The following TENM3 variants were observed in gnomAD, a reference collection of about 807,000 sequenced individuals.
The protein encoded by TENM3 is teneurin transmembrane protein 3, also known as teneurin-3.
TENM3 carries 63 observed loss-of-function variants against 255.1 expected under a neutral mutation model. That is an observed-to-expected ratio of 0.25 (90% CI 0.20 to 0.30). The LOEUF (loss-of-function observed/expected upper bound fraction) is 0.30, where lower values mean the gene tolerates loss of function less well. Among genes scored for constraint, TENM3 ranks in the 10% least tolerant of loss-of-function variants. TENM3 has a pLI of 1.00. For missense variants in TENM3, 2,929 were observed against 3,461.1 expected (o/e 0.85, Z 3.86); for synonymous variants, 1,306 against 1,322.3 (o/e 0.99, Z 0.27).
At chr4:182,411,721 A>G (rs985774851) in intron 3 of TENM3, among the ~76,000 whole-genome samples, 3 of 152,226 alleles carry the variant, frequency 2.0e-5, no homozygotes, top group Middle Eastern at 3.4e-3. Flanking sequence ...TTTCCGTACT[A>G]TGCGTTATTT....
intron 3 of TENM3, among the ~76,000 whole-genome samples, chr4:182,413,551 G>A (rs766161145): frequency 6.6e-5 from 10 of 151,994 alleles, no homozygotes; most frequent in Non-Finnish European, 1.3e-4. Flanking sequence ...GGGAAGCGGA[G>A]GTTGCAGTGA....
intron 1 of TENM3, among the ~76,000 whole-genome samples, chr4:182,214,798 A>G (rs1301669261): frequency 6.6e-6 from 1 of 152,222 alleles, no homozygotes; most frequent in East Asian, 1.9e-4. Flanking sequence ...CAGTGGTTCT[A>G]TTCTTAACAT....
the TENM3 span, among the ~76,000 whole-genome samples, chr4:181,957,981 T>C: frequency 2.0e-5 from 3 of 152,224 alleles, no homozygotes; most frequent in Admixed American, 1.3e-4. Context: ...TCTAATTATC[T>C]CCTGATAATT....
the TENM3 span, among the ~76,000 whole-genome samples, chr4:181,955,436 G>A: frequency 2.7e-3 from 415 of 152,280 alleles, 4 homozygotes; most frequent in African/African-American, 9.5e-3. Context: ...AATCAGCCAG[G>A]AAAATGTCTG....
chr4:182,324,619 T>C (rs1362118195), intron 2 of TENM3, among the ~76,000 whole-genome samples: 2 of 152,166 alleles, frequency 1.3e-5, no homozygotes, highest in Non-Finnish European at 2.9e-5. Flanking sequence ...TGTCTGTGGC[T>C]AGAACCGGTA....
chr4:181,904,886 G>A, the TENM3 span, among the ~76,000 whole-genome samples: 1 of 152,166 alleles, frequency 6.6e-6, no homozygotes, highest in Non-Finnish European at 1.5e-5. Flanking sequence ...TTCCCATGCT[G>A]TTCTCATGAT....
chr4:182,527,601 T>C (rs926013049), intron 3 of TENM3, among the ~76,000 whole-genome samples: 1 of 152,222 alleles, frequency 6.6e-6, no homozygotes, highest in Non-Finnish European at 1.5e-5. Flanking sequence ...ATTCATGATC[T>C]CACAGATAGA....
rs1460863326 is a variant in TENM3 at position 182,793,982 on chromosome 4, TTACTC to T, written c.7213+98_7213+102del. 68 of 1,150,900 alleles carry T rather than the reference TTACTC, an allele frequency of 5.9e-5. No individual in the cohort carries two copies. The African/African-American group carries it at 6.1e-4, about 10-fold the overall frequency. The allele number at this position is 1,150,900 out of a possible 1,614,324, so 71.3% of individuals were successfully genotyped here. A position where few individuals can be genotyped will look rare whatever the true frequency, so the allele number is the denominator to read the frequency against. ...ATGCTTTTTTAAAAAACTTTATACT[TTACTC>T]AGGCAAAGGCAAATGGCTAACCTTT... On this transcript the variant is annotated intron_variant, in intron 26 of 27. Transcript: ENST00000511685. This position sits in a 1 kb window ranked among gnomAD's most constrained non-coding sequence, Gnocchi z 5.7.
At chr4:182,170,828 A>G (rs1669707238) in intron 1 of TENM3, among the ~76,000 whole-genome samples, 1 of 152,200 alleles carries the variant, frequency 6.6e-6, no homozygotes, top group South Asian at 2.1e-4. Flanking sequence ...GTAAAATTTC[A>G]GTGATGATGT....
the TENM3 span, among the ~76,000 whole-genome samples, chr4:181,456,433 G>A: frequency 6.6e-6 from 1 of 151,894 alleles, no homozygotes; most frequent in African/African-American, 2.4e-5. Flanking sequence ...GAACGAACGA[G>A]GGCTTAGAAA....
the TENM3 span, among the ~76,000 whole-genome samples, chr4:181,689,728 T>G: frequency 6.6e-6 from 1 of 152,114 alleles, no homozygotes; most frequent in African/African-American, 2.4e-5. Flanking sequence ...TAAAAGTCAC[T>G]CAATTATCGA....
chr4:181,857,981 C>T, the TENM3 span, among the ~76,000 whole-genome samples: 117,587 of 152,142 alleles, frequency 0.77, 45,738 homozygotes, highest in East Asian at 0.95. Flanking sequence ...ATCACACTTA[C>T]AGCCAAAACT....
At position 182,473,778 on chromosome 4, in the gene TENM3, A is replaced by G. The variant is rs1246075811; in HGVS notation, c.511+126849A>G. ...TTAAGGCCAGGGGTTTGGGCAACATATGAGACCCTGTCTCTACAAAAAATA... is the reference window on the plus strand; with the variant it reads ...TTAAGGCCAGGGGTTTGGGCAACATGTGAGACCCTGTCTCTACAAAAAATA... On this transcript the variant is annotated intron_variant, in intron 3 of 27. Transcript: ENST00000511685. 3.9e-5 allele frequency among the ~76,000 whole-genome samples: 6 copies of G among 152,168 alleles called. No individual in the cohort carries two copies. In the East Asian group the frequency reaches 1.2e-3, roughly 29 times the overall value.
At chr4:181,883,948 C>T in the TENM3 span, among the ~76,000 whole-genome samples, 2 of 152,136 alleles carry the variant, frequency 1.3e-5, no homozygotes, top group Admixed American at 1.3e-4. Flanking sequence ...TGTTCAGTTG[C>T]AAGGTTCCCC....
intron 3 of TENM3, among the ~76,000 whole-genome samples, chr4:182,471,496 G>T (rs1253527306): frequency 6.6e-6 from 1 of 152,176 alleles, no homozygotes; most frequent in Non-Finnish European, 1.5e-5. Context: ...ACCTTAGGCA[G>T]TTGTAGCACA....
At chr4:181,592,256 AACAC>A in the TENM3 span, among the ~76,000 whole-genome samples, 1 of 148,420 alleles carries the variant, frequency 6.7e-6, no homozygotes, top group East Asian at 2.0e-4. Flanking sequence ...TTTAAACACA[AACAC>A]ACACACACAC....
chr4:182,183,059 G>C (rs1210245453), intron 1 of TENM3, among the ~76,000 whole-genome samples: 2 of 152,124 alleles, frequency 1.3e-5, no homozygotes, highest in Non-Finnish European at 2.9e-5. Context: ...TTCTGGTTAG[G>C]AGAAATATAC....
At chr4:182,600,851 T>G in intron 3 of TENM3, 73 bp from the exon 4 acceptor site, 3 of 711,620 alleles carry the variant, frequency 4.2e-6, no homozygotes, top group East Asian at 3.3e-5. Context: ...CCCCAAGAAA[T>G]TGGTAGTGTG....
intron 6 of TENM3, among the ~76,000 whole-genome samples, chr4:182,667,174 T>TTTTTGTTTTG (rs149236811): frequency 0.018 from 2,737 of 150,080 alleles, 43 homozygotes; most frequent in South Asian, 0.042. Flanking sequence ...AGTTACCATT[T>TTTTTGTTTTG]TTTTGTTTTG....
Sources: gnomAD v4.1 joint callset for allele counts (sites outside exome capture counted in the v4.1 genomes callset) on GRCh38, gnomAD v4.1.1 for gene constraint, Gnocchi (gnomAD v3.1) non-coding constraint, MANE v1.5 for transcripts, NCBI Gene and HGNC (gene_info 2026-07-23, HGNC 2026-07-21) for gene names.